Variants in THBS1 observed in about 807,000 individuals in gnomAD.
THBS1 encodes thrombospondin 1, also known as thrombospondin-1.
A neutral mutation model predicts 126.1 loss-of-function variants in THBS1; 29 were observed. The ratio of observed to expected loss-of-function variants is 0.23; its 90% confidence interval spans 0.17 to 0.31. THBS1 has a LOEUF of 0.31. THBS1 is among the 10% of genes least tolerant of loss of function. The probability of loss-of-function intolerance (pLI) is 1.00; values close to 1 mark genes in which losing one functional copy is unlikely to be tolerated. For missense variants in THBS1, 1,198 were observed against 1,545.2 expected, an observed-to-expected ratio of 0.78 and a Z score of 3.77; for synonymous variants, 496 against 577.8, an observed-to-expected ratio of 0.86 and a Z score of 2.03.
At chr15:39,581,967 G>A (rs373856086) in intron 2 of THBS1, 43 bp downstream of exon 2, 7 of 1,606,138 alleles carry the variant, frequency 4.4e-6, no homozygotes, top group African/African-American at 1.3e-5. Flanking sequence ...GGACAAGGAA[G>A]AGGTGCTGGC....
rs989934102 is a variant in THBS1, at chr15:39,581,667, T to C, written c.-29-162T>C. The stretch of plus-strand genomic sequence containing the variant: ...CTCTCTCTCTCTCTCTCTCTCTCTC[T>C]CATGCTCTCTGGAAAGTAATCCTGT... On this transcript the variant is annotated intron_variant, in intron 1 of 21. Transcript: ENST00000260356. 1.2e-5 allele frequency: 6 copies of C among 521,362 alleles called. No homozygotes were observed. The African/African-American group carries it at 1.2e-4, about 10-fold the overall frequency. 32.3% of individuals were successfully genotyped at this position (521,362 alleles called of 1,614,324 possible).
Position 39,595,656 on chromosome 15 carries a change from C to CCCATT in THBS1, c.*291_*295dup, listed in dbSNP as rs1890424241. On this transcript the variant is annotated 3_prime_UTR_variant, in exon 22 of 22. Coordinates refer to ENST00000260356, the MANE Select transcript of THBS1 (RefSeq NM_003246.4). ...TCTACTTGCTTCAGTTGGGAAGGTG[C>CCCATT]CCATTCCACTCTGCCTTTGTCACAG... 1.7e-6 allele frequency: 1 copy of CCCATT among 585,156 alleles called. No homozygotes were observed. The highest frequency in any genetic ancestry group is 1.8e-5 in the African/African-American group (1 of 54,536). 36.2% of individuals were successfully genotyped at this position (585,156 alleles called of 1,614,324 possible).
At chr15:39,585,750 C>T (rs1019376646) in intron 7 of THBS1, among the ~76,000 whole-genome samples, 187 bp downstream of exon 7, 5 of 152,214 alleles carry the variant, frequency 3.3e-5, no homozygotes, top group African/African-American at 1.2e-4. Context: ...ATTATGAGTA[C>T]ATCGTAATTA....
At chr15:39,591,158 C>T in intron 14 of THBS1, 33 bp from the exon 15 acceptor site, 1 of 1,605,630 alleles carries the variant, frequency 6.2e-7, no homozygotes, top group South Asian at 1.1e-5. Context: ...TCAAGGACAA[C>T]ATTGTTAAGT....
chr15:39,588,226 T>C lies in THBS1; in HGVS notation c.1471+8T>C, dbSNP rs1376749497. 2 of 1,611,694 alleles carry C rather than the reference T, an allele frequency of 1.2e-6. No homozygotes were observed. Among genetic ancestry groups the C allele is most frequent in the South Asian group, 1.1e-5 (1 of 90,914 alleles). On this transcript the variant is annotated splice_region_variant and intron_variant, in intron 9 of 21. Transcript: ENST00000260356. ...AGAAAGACGCCTGCCCCAGTAAGTG[T>C]GAGGTCCGCTGCAAGGGTGAGCATG...
chr15:39,588,999 T>C lies in THBS1; in HGVS notation c.1686T>C (p.Cys562=). The change falls in exon 11 of 22, where the codon TGT becomes TGC. Residue 562 remains cysteine, a synonymous_variant. Transcript: ENST00000260356. The part of the protein sequence containing the change: ...LSNPCFAGVK[C]TSYPDGSWKC... ...ATCCCTGCTTTGCCGGCGTGAAGTG[T>C]ACTAGCTACCCTGATGGCAGCTGGA... 1.2e-6 allele frequency: 2 copies of C among 1,614,112 alleles called. No homozygotes were observed. Among genetic ancestry groups the C allele is most frequent in the Non-Finnish European group, 1.7e-6 (2 of 1,180,014 alleles).
chr15:39,593,250 C>T lies in THBS1; in HGVS notation c.2995+23C>T, dbSNP rs28556934. ...TAGGTGAGTAGCGAGTTCTTAGATC[C>T]TAAGAGACTGATGCATACATGGGGA... On this transcript the variant is annotated intron_variant, in intron 18 of 21. Transcript: ENST00000260356. The surrounding 1 kb of genome is among the most constrained non-coding windows in gnomAD (Gnocchi z 5.9). The T allele has an allele frequency of 6.2e-7, 1 of 1,612,308 alleles. No homozygotes were observed. The highest frequency in any genetic ancestry group is 1.3e-5 in the African/African-American group (1 of 74,870).
chr15:39,595,558 GCATTCAGC>G lies in THBS1; in HGVS notation c.*191_*198del, dbSNP rs758877132. On this transcript the variant is annotated 3_prime_UTR_variant, in exon 22 of 22. Transcript: ENST00000260356. Reference sequence around the variant, plus strand: ...AATGCAGTTTTCAAAAACAGACTCAGCATTCAGCCTCCAATGAATAAGACATCTTCCAA... The same window carrying G: ...AATGCAGTTTTCAAAAACAGACTCAGCTCCAATGAATAAGACATCTTCCAA... 1 of 665,314 alleles carries G rather than the reference GCATTCAGC, an allele frequency of 1.5e-6. No individual in the cohort carries two copies. The highest frequency in any genetic ancestry group is 2.6e-6 in the Non-Finnish European group (1 of 387,696). The allele number at this position is 665,314 out of a possible 1,614,324, so 41.2% of individuals were successfully genotyped here.
rs775224556 is a variant in THBS1, at chr15:39,585,612, T to C, written c.1120+49T>C. 2.6e-6 allele frequency: 4 copies of C among 1,555,794 alleles called. No homozygotes were observed. The East Asian group carries it at 6.7e-5, about 26-fold the overall frequency. On this transcript the variant is annotated intron_variant, in intron 7 of 21. Transcript: ENST00000260356. ...TATTCTTCAGTGACTAGGTCAGTTC[T>C]ACATACATCCTAGACAGCCGAGCAC... is the stretch of plus-strand genomic sequence containing the variant.
At position 39,592,474 on chromosome 15, in the gene THBS1, C is replaced by A; in HGVS notation, c.2533-94C>A. The A allele has an allele frequency of 9.7e-7, 1 of 1,029,300 alleles. No individual in the cohort carries two copies. Among genetic ancestry groups the A allele is most frequent in the Non-Finnish European group, 1.4e-6 (1 of 700,196 alleles). The allele number at this position is 1,029,300 out of a possible 1,614,324, so 63.8% of individuals were successfully genotyped here. ...ATGACACCCCACTGGCTGTATCAAA[C>A]AATGGAGAATTTTCCCTGTGGTGGG... is the stretch of plus-strand genomic sequence containing the variant. On this transcript the variant is annotated intron_variant, in intron 16 of 21. Transcript: ENST00000260356. The surrounding 1 kb of genome is among the most constrained non-coding windows in gnomAD (Gnocchi z 4.3).
rs751871703 is a variant in THBS1, at chr15:39,595,876, G to T, written c.*507G>T. 1.8e-5 allele frequency: 8 copies of T among 456,406 alleles called. No individual in the cohort carries two copies. The highest frequency in any genetic ancestry group is 3.5e-5 in the Non-Finnish European group (8 of 227,164). The allele number at this position is 456,406 out of a possible 1,614,324, so 28.3% of individuals were successfully genotyped here. A position where few individuals can be genotyped will look rare whatever the true frequency, so the allele number is the denominator to read the frequency against. On this transcript the variant is annotated 3_prime_UTR_variant, in exon 22 of 22. Transcript: ENST00000260356. The stretch of plus-strand genomic sequence containing the variant: ...GACGATTGTATGAAGAAAATATGGA[G>T]GAACTGTTACATGTTCGGTACTAAG...
chr15:39,589,494 A>AAAACTAGT lies in THBS1; in HGVS notation c.1926+141_1926+142insAACTAGTA. ...GATGAATGTACGGTCTAGTTTTAGAAACGTGATTAGAAAATCCATGGTAAA... is the reference window on the plus strand; with the variant it reads ...GATGAATGTACGGTCTAGTTTTAGAAAAACTAGTACGTGATTAGAAAATCCATGGTAAA... On this transcript the variant is annotated intron_variant, in intron 12 of 21. Transcript: ENST00000260356. The surrounding 1 kb of genome is among the most constrained non-coding windows in gnomAD (Gnocchi z 4.7). 4 of 1,180,960 alleles carry AAAACTAGT rather than the reference A, an allele frequency of 3.4e-6. No individual in the cohort carries two copies. The highest frequency in any genetic ancestry group is 4.6e-6 in the Non-Finnish European group (4 of 865,214). 73.2% of individuals were successfully genotyped at this position (1,180,960 alleles called of 1,614,324 possible). A position where few individuals can be genotyped will look rare whatever the true frequency, so the allele number is the denominator to read the frequency against.
In THBS1 at chr15:39,594,004, C is replaced by A; in HGVS notation, c.3268-95C>A. On this transcript the variant is annotated intron_variant, in intron 19 of 21. Coordinates refer to ENST00000260356, the MANE Select transcript of THBS1 (RefSeq NM_003246.4). The surrounding 1 kb of genome is among the most constrained non-coding windows in gnomAD (Gnocchi z 4.4). ...ATTGCAGCCCTCTAACTTAGATCAG[C>A]TCAGTACCTTTCAAGCATTGTTTCT... 1.5e-6 allele frequency: 2 copies of A among 1,338,808 alleles called. No homozygotes were observed. Among genetic ancestry groups the A allele is most frequent in the Non-Finnish European group, 1.0e-6 (1 of 971,878 alleles). 82.9% of individuals were successfully genotyped at this position (1,338,808 alleles called of 1,614,324 possible).
Position 39,595,856 on chromosome 15 carries a change from T to C in THBS1, c.*487T>C, listed in dbSNP as rs543030273. On this transcript the variant is annotated 3_prime_UTR_variant, in exon 22 of 22. Transcript: ENST00000260356. ...AGGGGAGGGCGCATACCCGAGACGA[T>C]TGTATGAAGAAAATATGGAGGAACT... 3.3e-5 allele frequency: 15 copies of C among 457,042 alleles called. No homozygotes were observed. The highest frequency in any genetic ancestry group is 2.2e-4 in the South Asian group (14 of 64,556). 28.3% of individuals were successfully genotyped at this position (457,042 alleles called of 1,614,324 possible).
At chr15:39,583,797 T>A in intron 4 of THBS1, 105 bp downstream of exon 4, 2 of 1,333,698 alleles carry the variant, frequency 1.5e-6, no homozygotes, top group South Asian at 1.3e-5. Flanking sequence ...TTACCCCCAG[T>A]GAGATCATCA....
At chr15:39,585,198 A>G (rs1054564698) in intron 6 of THBS1, among the ~76,000 whole-genome samples, 1 of 152,212 alleles carries the variant, frequency 6.6e-6, no homozygotes, top group Non-Finnish European at 1.5e-5. Flanking sequence ...TTCCTCTGCT[A>G]TAAATTCTTT....
intron 8 of THBS1, 121 bp from the exon 9 acceptor site, chr15:39,587,921 T>TA: frequency 1.0e-6 from 1 of 970,822 alleles, no homozygotes; most frequent in Non-Finnish European, 1.5e-6. Context: ...ATTTCTACCG[T>TA]ACACTGGGTT....
At chr15:39,595,275 T>C in intron 21 of THBS1, 87 bp from the exon 22 acceptor site, 2 of 874,408 alleles carry the variant, frequency 2.3e-6, no homozygotes, top group Non-Finnish European at 3.3e-6. Flanking sequence ...GAGCTATTCC[T>C]ATGTGGTTAA....
chr15:39,590,619 A>G lies in THBS1; in HGVS notation c.2249A>G (p.Asp750Gly), dbSNP rs749391851. The change falls in exon 14 of 22, where the codon GAC (aspartate) becomes GGC (glycine). Residue 750 changes from aspartate to glycine, a missense_variant. Asp to Gly is a moderately conservative substitution (Grantham distance 94). Around this residue, in one of 4 missense-constraint regions of THBS1, gnomAD observed 663 missense variants for 860.1 expected, o/e 0.77. Transcript: ENST00000260356. ...GATGACAATGATAAAATTCCAGATG[A>G]CAGGGTAAAAACAGTTTTCTATCCC... is the stretch of plus-strand genomic sequence containing the variant. ...DDDDNDKIPD[D>G]RDNCPFHYNP... 2 of 1,613,592 alleles carry G rather than the reference A, an allele frequency of 1.2e-6. No individual in the cohort carries two copies. Among genetic ancestry groups the G allele is most frequent in the South Asian group, 2.2e-5 (2 of 90,914 alleles).
Sources: allele counts gnomAD v4.1 joint callset (sites outside exome capture counted in the v4.1 genomes callset), GRCh38; gene constraint gnomAD v4.1.1; regional missense constraint gnomAD v4.1.1; non-coding constraint Gnocchi (gnomAD v3.1); transcripts MANE v1.5; gene names NCBI Gene and HGNC (gene_info 2026-07-23, HGNC 2026-07-21).